ABHD3: variants seen among roughly 807,000 people sequenced by gnomAD.
ABHD3 encodes abhydrolase domain containing 3, phospholipase.
ABHD3 carries 46 observed loss-of-function variants against 48.8 expected under a neutral mutation model. That is an observed-to-expected ratio of 0.94 (90% CI 0.74 to 1.20). ABHD3 has a LOEUF of 1.20. Ranked by LOEUF, ABHD3 falls within the 50% of genes most tolerant of loss-of-function variation. The pLI, the probability that ABHD3 is intolerant of heterozygous loss-of-function variation, is 0.00. For synonymous variants in ABHD3, 192 were observed against 183.7 expected, an observed-to-expected ratio of 1.04 and a Z score of -0.36; for missense variants, 490 against 497.8, an observed-to-expected ratio of 0.98 and a Z score of 0.15.
chr18:21,699,732 G>A (rs1056384398), intron 3 of ABHD3, among the ~76,000 whole-genome samples: 1 of 152,174 alleles, frequency 6.6e-6, no homozygotes, highest in Non-Finnish European at 1.5e-5. Context: ...CCAGGCTGGA[G>A]TGCAATTGCG....
Position 21,703,725 on chromosome 18 carries a change from C to G in ABHD3, c.185G>C (p.Gly62Ala). 6.2e-7 allele frequency: 1 copy of G among 1,613,954 alleles called. No homozygotes were observed. The highest frequency in any genetic ancestry group is 8.5e-7 in the Non-Finnish European group (1 of 1,179,948). The stretch of plus-strand genomic sequence containing the variant: ...TTGAAGGAAGCGGCTGAAACTCTCA[C>G]CCCCGGTCACTAACTGGGGTTTCTG... ...IAKKPQLVTG[G>A]ESFSRFLQDH... The change falls in exon 2 of 9, where the codon GGT (glycine) becomes GCT (alanine). Residue 62 changes from glycine (G) to alanine (A), a missense_variant. Transcript: ENST00000289119.
chr18:21,683,645 C>A, intron 4 of ABHD3: 1 of 320,964 alleles, frequency 3.1e-6, no homozygotes, highest in Non-Finnish European at 6.4e-6. Context: ...AGTTTAGTTA[C>A]AAAATAGAAT....
intron 8 of ABHD3, among the ~76,000 whole-genome samples, chr18:21,655,597 T>A (rs1472777368): frequency 6.6e-6 from 1 of 152,058 alleles, no homozygotes; most frequent in Non-Finnish European, 1.5e-5. Context: ...GCCAGCAGTC[T>A]GGGAGGCTGA....
chr18:21,698,524 T>C (rs923441830), intron 3 of ABHD3, among the ~76,000 whole-genome samples: 2 of 151,706 alleles, frequency 1.3e-5, no homozygotes, highest in Non-Finnish European at 2.9e-5. Flanking sequence ...GAATAGATGA[T>C]GAGGGAAGTA....
intron 8 of ABHD3, among the ~76,000 whole-genome samples, chr18:21,655,932 G>A (rs1208013670): frequency 1.3e-4 from 19 of 151,676 alleles, no homozygotes; most frequent in Admixed American, 4.0e-4. Context: ...CCAGGCAGGC[G>A]AATTACCTGA....
At chr18:21,657,898 A>T (rs529856927) in intron 6 of ABHD3, among the ~76,000 whole-genome samples, 1 of 152,246 alleles carries the variant, frequency 6.6e-6, no homozygotes, top group African/African-American at 2.4e-5. Flanking sequence ...AGAAAGAAAT[A>T]AGCAAACAGA....
intron 4 of ABHD3, among the ~76,000 whole-genome samples, chr18:21,675,372 G>A (rs550545189): frequency 6.7e-6 from 1 of 149,476 alleles, no homozygotes; most frequent in South Asian, 2.1e-4. Context: ...GGGTTCAAGC[G>A]ATTCTCCTGC....
chr18:21,680,822 CTATT>C (rs903702240), intron 4 of ABHD3, among the ~76,000 whole-genome samples: 1 of 151,124 alleles, frequency 6.6e-6, no homozygotes, highest in Non-Finnish European at 1.5e-5. Context: ...CTCCTCCTTC[CTATT>C]TGTTGTTTCT....
At chr18:21,692,306 T>C (rs376629617) in intron 3 of ABHD3, among the ~76,000 whole-genome samples, 2 of 152,192 alleles carry the variant, frequency 1.3e-5, no homozygotes, top group South Asian at 2.1e-4. Context: ...AATTACTAAC[T>C]TTTGTTAGTA....
chr18:21,688,330 G>A (rs2040173339), intron 3 of ABHD3, among the ~76,000 whole-genome samples: 1 of 151,432 alleles, frequency 6.6e-6, no homozygotes, highest in South Asian at 2.1e-4. Context: ...AATCAGCAAA[G>A]GGTAGAATGA....
chr18:21,667,581 C>T (rs1241052790), intron 4 of ABHD3, among the ~76,000 whole-genome samples: 3 of 152,032 alleles, frequency 2.0e-5, no homozygotes, highest in Non-Finnish European at 2.9e-5. Context: ...TTAAACTCAT[C>T]CCTAAAACAC....
At chr18:21,674,104 A>C (rs2146304645) in intron 4 of ABHD3, among the ~76,000 whole-genome samples, 1 of 152,258 alleles carries the variant, frequency 6.6e-6, no homozygotes, top group East Asian at 1.9e-4. Flanking sequence ...GATTCCTTGA[A>C]GTGTATGGGG....
In ABHD3 at chr18:21,666,340, C is replaced by T. The variant is rs574273584; in HGVS notation, c.556-2110G>A. Among the ~76,000 whole-genome samples, 3 of 152,280 alleles carry T rather than the reference C, an allele frequency of 2.0e-5. No individual in the cohort carries two copies. In the East Asian group the frequency reaches 5.8e-4, roughly 29 times the overall value. On this transcript the variant is annotated intron_variant, in intron 4 of 8. Transcript: ENST00000289119. The stretch of plus-strand genomic sequence containing the variant: ...TCCTGAGTAGCTGGGACTACAGGTA[C>T]GTACCACCACGCCTGGCTAATTTTT...
chr18:21,702,957 T>G (rs1568168124), intron 2 of ABHD3, among the ~76,000 whole-genome samples: 1 of 152,202 alleles, frequency 6.6e-6, no homozygotes. Context: ...AAATTATTTC[T>G]CACATAGTAT....
chr18:21,669,128 A>C (rs953872184), intron 4 of ABHD3, among the ~76,000 whole-genome samples: 3 of 152,126 alleles, frequency 2.0e-5, no homozygotes, highest in Admixed American at 6.6e-5. Context: ...GGATCACCTG[A>C]GACTGGGAGG....
At chr18:21,703,161 T>C (rs1032727859) in intron 2 of ABHD3, among the ~76,000 whole-genome samples, 1 of 151,296 alleles carries the variant, frequency 6.6e-6, no homozygotes, top group Non-Finnish European at 1.5e-5. Context: ...CAATAGGAAG[T>C]CATTTTACAC....
At chr18:21,704,002 C>CT (rs1320927095) in intron 1 of ABHD3, among the ~76,000 whole-genome samples, 1 of 152,238 alleles carries the variant, frequency 6.6e-6, no homozygotes, top group African/African-American at 2.4e-5. Flanking sequence ...GGGGATTCTC[C>CT]TGCCTCAGCC....
chr18:21,679,280 G>T (rs2039955382), intron 4 of ABHD3, among the ~76,000 whole-genome samples: 1 of 152,086 alleles, frequency 6.6e-6, no homozygotes, highest in Non-Finnish European at 1.5e-5. Flanking sequence ...ATTATCAAGG[G>T]ATCTAAATAT....
chr18:21,679,592 G>A (rs1014256720), intron 4 of ABHD3, among the ~76,000 whole-genome samples: 6 of 151,906 alleles, frequency 3.9e-5, no homozygotes, highest in East Asian at 1.9e-4. Context: ...GCAGTGGCAC[G>A]ATCTGGGCTC....
Sources: allele counts gnomAD v4.1 joint callset (sites outside exome capture counted in the v4.1 genomes callset), GRCh38; gene constraint gnomAD v4.1.1; transcripts MANE v1.5; gene names NCBI Gene and HGNC (gene_info 2026-07-23, HGNC 2026-07-21).